The following CCDC9 variants were observed in gnomAD, a reference collection of about 807,000 sequenced individuals.
CCDC9 encodes coiled-coil domain-containing protein 9.
In CCDC9, 52 loss-of-function variants were observed where a neutral mutation model predicts 65.6. The ratio of observed to expected loss-of-function variants is 0.79; its 90% CI spans 0.63 to 1.00. The LOEUF is 1.00. Among genes scored for constraint, CCDC9 ranks in the 50% least tolerant of loss-of-function variants. CCDC9 has a pLI of 0.00. For missense variants in CCDC9, 834 were observed against 757.2 expected (o/e 1.10, Z -1.19); for synonymous variants, 332 against 280.3 (o/e 1.18, Z -1.84).
At chr19:47,260,150 C>T (rs2059035341) in intron 3 of CCDC9, among the ~76,000 whole-genome samples, 171 bp from the exon 4 acceptor site, 1 of 152,120 alleles carries the variant, frequency 6.6e-6, no homozygotes, top group African/African-American at 2.4e-5. Context: ...CAGGAACGTT[C>T]TGAGTGGGGC....
chr19:47,262,231 T>C (rs955000934), intron 5 of CCDC9, among the ~76,000 whole-genome samples: 7 of 126,350 alleles, frequency 5.5e-5, no homozygotes, highest in South Asian at 2.8e-4. Context: ...TTTTTTTTTT[T>C]CTTGAGACAG....
At chr19:47,258,710 A>T in intron 3 of CCDC9, 47 bp downstream of exon 3, 1 of 1,450,538 alleles carries the variant, frequency 6.9e-7, no homozygotes, top group Non-Finnish European at 9.7e-7. Context: ...TCTTCCCCGC[A>T]GTGAGTTTTT....
chr19:47,272,274 C>T (rs74768785), downstream of CCDC9: 2,275 of 677,836 alleles, frequency 3.4e-3, 7 homozygotes, highest in Non-Finnish European at 4.4e-3. Context: ...GCAGTTGGAC[C>T]ATAGAGGTGA....
intron 3 of CCDC9, 72 bp downstream of exon 3, chr19:47,258,735 C>T (rs772860738): frequency 3.3e-5 from 37 of 1,127,544 alleles, no homozygotes; most frequent in Non-Finnish European, 4.7e-5. Flanking sequence ...CCTCTCCCTT[C>T]CTTAAAACCT....
intron 8 of CCDC9, 33 bp downstream of exon 8, chr19:47,266,825 G>A: frequency 2.5e-6 from 4 of 1,579,046 alleles, no homozygotes; most frequent in Non-Finnish European, 3.4e-6. Flanking sequence ...TCCCCATGTG[G>A]CACGTTGACC....
At position 47,270,581 on chromosome 19, in the gene CCDC9, G is replaced by GC; in HGVS notation, c.983dup (p.Thr329TyrfsTer12). On this transcript the variant is annotated frameshift_variant, in exon 10 of 12. Transcript: ENST00000221922. LOFTEE classifies it high-confidence loss of function. ...ACCAGGCCTGGGCCCGGCCCCCGAA[G>GC]CCCCCTACTTTTGGGGAGTTCCTGT... 1.2e-6 allele frequency: 2 copies of GC among 1,613,888 alleles called. No individual in the cohort carries two copies. The highest frequency in any genetic ancestry group is 1.7e-6 in the Non-Finnish European group (2 of 1,180,014).
At position 47,260,855 on chromosome 19, in the gene CCDC9, C is replaced by A; in HGVS notation, c.462+16C>A. On this transcript the variant is annotated intron_variant, in intron 5 of 11. Transcript: ENST00000221922. ...TAAATCCAAGGTAGGAGCTAGGCAG[C>A]GCCTGGAGCCCTGGCTGAGGTTCTC... 1 of 1,599,480 alleles carries A rather than the reference C, an allele frequency of 6.3e-7. No homozygotes were observed. Among genetic ancestry groups the A allele is most frequent in the Non-Finnish European group, 8.5e-7 (1 of 1,175,104 alleles).
At chr19:47,258,204 G>A in intron 1 of CCDC9, 126 bp from the exon 2 acceptor site, 1 of 614,462 alleles carries the variant, frequency 1.6e-6, no homozygotes, top group Non-Finnish European at 2.9e-6. Flanking sequence ...GAGGGAGAGT[G>A]AGGGCTACAA....
At chr19:47,256,842 A>C (rs1005346240) in intron 1 of CCDC9, among the ~76,000 whole-genome samples, 1 of 150,776 alleles carries the variant, frequency 6.6e-6, no homozygotes. Context: ...GCGGGACCTA[A>C]AAGTTGTGGC....
chr19:47,274,016 G>T (rs2059140900), downstream of CCDC9: 1 of 978,440 alleles, frequency 1.0e-6, no homozygotes, highest in African/African-American at 1.7e-5. Context: ...AAGCTTCCCC[G>T]CCTTGATGGG....
chr19:47,265,202 G>C (rs1057359027), intron 7 of CCDC9, among the ~76,000 whole-genome samples: 2 of 152,016 alleles, frequency 1.3e-5, no homozygotes, highest in Admixed American at 6.6e-5. Context: ...TTACAGGCAA[G>C]TGCCACCACA....
Position 47,271,696 on chromosome 19 carries a change from T to G in CCDC9, c.*18T>G. ...GTGTATGAAGCTGGCTGCCTGTGTGTGTGTGTGTGTGTGTGTGTGTGTGTG... is the reference window on the plus strand; with the variant it reads ...GTGTATGAAGCTGGCTGCCTGTGTGGGTGTGTGTGTGTGTGTGTGTGTGTG... On this transcript the variant is annotated 3_prime_UTR_variant, in exon 12 of 12. Transcript: ENST00000221922. The G allele has an allele frequency of 4.2e-6, 5 of 1,188,430 alleles. No individual in the cohort carries two copies. The Admixed American group carries it at 1.1e-4, about 27-fold the overall frequency. The allele number at this position is 1,188,430 out of a possible 1,614,324, so 73.6% of individuals were successfully genotyped here. A position where few individuals can be genotyped will look rare whatever the true frequency, so the allele number is the denominator to read the frequency against.
At chr19:47,259,282 C>T (rs2059030097) in intron 3 of CCDC9, among the ~76,000 whole-genome samples, 1 of 152,142 alleles carries the variant, frequency 6.6e-6, no homozygotes, top group African/African-American at 2.4e-5. Flanking sequence ...TGAATGCCAC[C>T]AGGATGAGTT....
chr19:47,275,128 G>T, downstream of CCDC9: 2 of 1,491,104 alleles, frequency 1.3e-6, no homozygotes, highest in Non-Finnish European at 8.9e-7. Context: ...CCACAGCCCA[G>T]CGCGCCGTCC....
At chr19:47,273,216 C>G (rs1467928679), downstream of CCDC9, 2 of 428,458 alleles carry the variant, frequency 4.7e-6, no homozygotes, top group African/African-American at 2.0e-5. Flanking sequence ...GTCTGGGCCC[C>G]GTAAACCGCT....
At chr19:47,267,984 A>AT in intron 8 of CCDC9, among the ~76,000 whole-genome samples, 1 of 151,906 alleles carries the variant, frequency 6.6e-6, no homozygotes, top group East Asian at 1.9e-4. Context: ...AGTAGCTGGG[A>AT]TTACAGGCAC....
chr19:47,271,358 G>A lies in CCDC9; in HGVS notation c.1276G>A (p.Asp426Asn), dbSNP rs144233517. 6 of 1,613,658 alleles carry A rather than the reference G, an allele frequency of 3.7e-6. No individual in the cohort carries two copies. In the African/African-American group the frequency reaches 5.3e-5, roughly 14 times the overall value. Residue 426 changes from aspartate (D) to asparagine (N), a missense_variant, in exon 12 of 12, where the codon GAC (aspartate) becomes AAC (asparagine). Transcript: ENST00000221922. ...NEGEEDEEWE[D>N]ISEDEEEEEI... ...GGGGGAAGAGGATGAAGAATGGGAG[G>A]ACATAAGTGAGGATGAGGAAGAGGA...
rs1389557939 is a variant in CCDC9, at chr19:47,271,383, A to T, written c.1301A>T (p.Glu434Val). Residue 434 changes from glutamate to valine, a missense_variant, in exon 12 of 12, where the codon GAG becomes GTG. By Grantham distance (121) the Glu-to-Val change is moderately radical (BLOSUM62 -2). Transcript: ENST00000221922. ...GACATAAGTGAGGATGAGGAAGAGG[A>T]GGAGATCGAGGTGGAAGAAGGTGAT... ...WEDISEDEEE[E>V]EIEVEEGDEE... The T allele has an allele frequency of 6.2e-7, 1 of 1,613,110 alleles. No individual in the cohort carries two copies. The highest frequency in any genetic ancestry group is 1.7e-5 in the Admixed American group (1 of 59,786).
At chr19:47,264,744 G>A (rs375699108) in intron 6 of CCDC9, 29 bp from the exon 7 acceptor site, 44 of 1,604,278 alleles carry the variant, frequency 2.7e-5, no homozygotes, top group African/African-American at 1.6e-4. Flanking sequence ...CGGGGAGCCC[G>A]CGCCAACCCC....
Sources: gnomAD v4.1 joint callset for allele counts (sites outside exome capture counted in the v4.1 genomes callset) on GRCh38, gnomAD v4.1.1 for gene constraint, MANE v1.5 for transcripts, NCBI Gene and HGNC (gene_info 2026-07-23, HGNC 2026-07-21) for gene names.